The following RNF144A variants were observed in gnomAD, a reference collection of about 807,000 sequenced individuals.
The protein encoded by RNF144A is E3 ubiquitin-protein ligase RNF144A.
Under a neutral mutation model 38.7 loss-of-function variants are expected in RNF144A, and 11 were observed. The observed-to-expected ratio is 0.28, with a 90% CI of 0.18 to 0.47. The LOEUF is 0.47. Ranked by LOEUF, RNF144A falls within the 20% of genes least tolerant of loss-of-function variation. The pLI, the probability that RNF144A is intolerant of heterozygous loss-of-function variation, is 0.99. For missense variants in RNF144A, 316 were observed against 377.2 expected (o/e 0.84, Z 1.34); for synonymous variants, 149 against 143.9 (o/e 1.04, Z -0.25).
At chr2:6,948,663 A>G (rs868399979) in intron 2 of RNF144A, among the ~76,000 whole-genome samples, 2 of 152,192 alleles carry the variant, frequency 1.3e-5, no homozygotes, top group African/African-American at 2.4e-5. Flanking sequence ...AGCACCAGGA[A>G]AGCAGGGAAG....
chr2:7,001,024 G>T (rs1352980767), intron 3 of RNF144A, among the ~76,000 whole-genome samples: 1 of 152,142 alleles, frequency 6.6e-6, no homozygotes, highest in Non-Finnish European at 1.5e-5. Context: ...ATTTGGCCAG[G>T]CACAGTGGCT....
At position 7,041,741 on chromosome 2, in the gene RNF144A, C is replaced by T. The variant is rs1572468514; in HGVS notation, c.*1981C>T. ...GTCCAGTGGCCCACAGGACACGCCT[C>T]CACCATATGCTCATCCTTCCTGCCT... On this transcript the variant is annotated 3_prime_UTR_variant, in exon 9 of 9. Coordinates refer to ENST00000320892, the MANE Select transcript of RNF144A (RefSeq NM_014746.6). 9.1e-6 allele frequency: 9 copies of T among 985,568 alleles called. No homozygotes were observed. The highest frequency in any genetic ancestry group is 1.1e-5 in the Non-Finnish European group (9 of 830,046). The allele number at this position is 985,568 out of a possible 1,614,324, so 61.1% of individuals were successfully genotyped here.
chr2:7,036,312 C>T (rs1672673489), intron 8 of RNF144A, among the ~76,000 whole-genome samples: 1 of 152,204 alleles, frequency 6.6e-6, no homozygotes, highest in Non-Finnish European at 1.5e-5. Flanking sequence ...ACTTTCTTTA[C>T]CCCAGTCCAT....
At chr2:6,975,295 C>T (rs148563379) in intron 2 of RNF144A, among the ~76,000 whole-genome samples, 22 of 152,238 alleles carry the variant, frequency 1.4e-4, no homozygotes, top group African/African-American at 5.3e-4. Context: ...AAGAACAGCA[C>T]GGGAAAGACC....
At chr2:6,937,294 G>A (rs16865727) in intron 1 of RNF144A, among the ~76,000 whole-genome samples, 3,520 of 152,276 alleles carry the variant, frequency 0.023, 148 homozygotes, top group African/African-American at 0.08. Context: ...GAGAAAATGC[G>A]GATGCCAGTC....
intron 2 of RNF144A, among the ~76,000 whole-genome samples, chr2:6,945,546 A>G (rs1666282414): frequency 6.6e-6 from 1 of 152,170 alleles, no homozygotes; most frequent in Admixed American, 6.5e-5. Context: ...AACTACTGGC[A>G]AGAGAACAGC....
intron 8 of RNF144A, 42 bp downstream of exon 8, chr2:7,030,257 C>CTGTGTGTGTGTGTGTG (rs58324246): frequency 9.1e-5 from 66 of 724,922 alleles, no homozygotes; most frequent in Non-Finnish European, 9.1e-5. Context: ...CAGAGAGAGA[C>CTGTGTGTGTGTGTGTG]TGTGTGTGTG....
At chr2:7,001,200 T>G (rs1242543272) in intron 3 of RNF144A, among the ~76,000 whole-genome samples, 1 of 151,886 alleles carries the variant, frequency 6.6e-6, no homozygotes, top group Non-Finnish European at 1.5e-5. Context: ...CTCAGGAGGC[T>G]GAGGCAGGAG....
intron 7 of RNF144A, among the ~76,000 whole-genome samples, chr2:7,028,497 T>C (rs975059918): frequency 6.6e-6 from 1 of 152,204 alleles, no homozygotes; most frequent in Admixed American, 6.5e-5. Flanking sequence ...GGCTTGTCCA[T>C]GTCTGCTCGC....
chr2:7,014,376 C>A, intron 3 of RNF144A, 78 bp from the exon 4 acceptor site: 2 of 952,516 alleles, frequency 2.1e-6, no homozygotes, highest in South Asian at 1.3e-5. Context: ...GTGCCTGGTC[C>A]TTTTTTTAAT....
At chr2:7,052,307 G>A (rs1008718511) in intron 6 of RNF144A, among the ~76,000 whole-genome samples, 15 of 152,276 alleles carry the variant, frequency 9.9e-5, no homozygotes, top group African/African-American at 3.4e-4. Context: ...CTAACATGAG[G>A]AGCCCCGGCA....
At chr2:6,948,761 G>T (rs1457006936) in intron 2 of RNF144A, among the ~76,000 whole-genome samples, 1 of 152,196 alleles carries the variant, frequency 6.6e-6, no homozygotes, top group Non-Finnish European at 1.5e-5. Context: ...GTGTGGGCGT[G>T]GTGGGAGTGG....
chr2:6,968,662 T>C (rs1273675752), intron 2 of RNF144A, among the ~76,000 whole-genome samples: 1 of 151,180 alleles, frequency 6.6e-6, no homozygotes, highest in Admixed American at 6.6e-5. Context: ...TCCTACCATA[T>C]AAAATAACAC....
chr2:7,036,140 G>T (rs1399579558), intron 8 of RNF144A, among the ~76,000 whole-genome samples: 1 of 152,160 alleles, frequency 6.6e-6, no homozygotes, highest in Admixed American at 6.5e-5. Flanking sequence ...TGCATGAAGT[G>T]CTTGCCGGCC....
intron 2 of RNF144A, among the ~76,000 whole-genome samples, chr2:6,983,340 C>T (rs1253108955): frequency 6.6e-6 from 1 of 152,148 alleles, no homozygotes; most frequent in Non-Finnish European, 1.5e-5. Flanking sequence ...CTTTCTAGAA[C>T]AATCCCTGGG....
intron 6 of RNF144A, among the ~76,000 whole-genome samples, chr2:7,065,098 G>A (rs1006608772): frequency 6.6e-6 from 1 of 152,204 alleles, no homozygotes; most frequent in Non-Finnish European, 1.5e-5. Flanking sequence ...CTATGTGCTA[G>A]GTACCACTCT....
At chr2:7,058,916 A>C (rs1480106900) in intron 6 of RNF144A, among the ~76,000 whole-genome samples, 2 of 151,858 alleles carry the variant, frequency 1.3e-5, no homozygotes, top group African/African-American at 4.8e-5. Context: ...CTCCTGCATC[A>C]CCTGTATGTA....
intron 5 of RNF144A, among the ~76,000 whole-genome samples, 176 bp downstream of exon 5, chr2:7,014,948 G>A (rs898403254): frequency 2.0e-5 from 3 of 152,160 alleles, no homozygotes; most frequent in Non-Finnish European, 4.4e-5. Context: ...ACAGCTCACA[G>A]TTTGAAGACC....
rs928986329 is a variant in RNF144A at position 6,936,839 on chromosome 2, A to C, written c.-211-4109A>C. Among the ~76,000 whole-genome samples, 3 of 105,494 alleles carry C rather than the reference A, an allele frequency of 2.8e-5. No homozygotes were observed. The Admixed American group carries it at 3.0e-4, about 10-fold the overall frequency. The allele number at this position is 105,494 out of a possible 152,430, so 69.2% of individuals were successfully genotyped here. ...TATATCAGATTTTTTCAAGTCACAC[A>C]CAGTAGTGTGTGTGTGTGTGTGTGT... On this transcript the variant is annotated intron_variant, in intron 1 of 8. Coordinates refer to ENST00000320892, the MANE Select transcript of RNF144A (RefSeq NM_014746.6).
Sources: allele counts gnomAD v4.1 joint callset (sites outside exome capture counted in the v4.1 genomes callset), GRCh38; gene constraint gnomAD v4.1.1; transcripts MANE v1.5; gene names NCBI Gene and HGNC (gene_info 2026-07-23, HGNC 2026-07-21).